Variants in AXDND1 observed in about 807,000 individuals in gnomAD.
The protein encoded by AXDND1 is axonemal dynein light chain domain-containing protein 1.
A neutral mutation model predicts 137.5 loss-of-function variants in AXDND1; 110 were observed. The ratio of observed to expected loss-of-function variants is 0.80; its 90% CI spans 0.69 to 0.94. The LOEUF is 0.94. Among genes scored for constraint, AXDND1 ranks in the 40% least tolerant of loss-of-function variants. AXDND1 has a pLI of 0.00. For synonymous variants in AXDND1, 414 were observed against 399.7 expected (o/e 1.04, Z -0.43); for missense variants, 1,191 against 1,169.8 (o/e 1.02, Z -0.26).
chr1:179,535,116 C>A, intron 25 of AXDND1, 154 bp downstream of exon 25: 1 of 1,157,218 alleles, frequency 8.6e-7, no homozygotes, highest in Non-Finnish European at 1.2e-6. Flanking sequence ...ATCACATAAC[C>A]ATCTTATTCG....
chr1:179,405,482 T>C (rs1652814709), intron 11 of AXDND1, among the ~76,000 whole-genome samples: 1 of 152,224 alleles, frequency 6.6e-6, no homozygotes, highest in African/African-American at 2.4e-5. Context: ...TCCAGATCCT[T>C]GAGGAAACGC....
At position 179,385,224 on chromosome 1, in the gene AXDND1, T is replaced by C; in HGVS notation, c.742-14T>C. ...CTGTAATAAGTACTGATTATGTTAC[T>C]TACCTTCTGACAGATGCACAAACTA... is the stretch of plus-strand genomic sequence containing the variant. On this transcript the variant is annotated splice_polypyrimidine_tract_variant and intron_variant, in intron 8 of 25. Coordinates refer to ENST00000367618, the MANE Select transcript of AXDND1 (RefSeq NM_144696.6). 1 of 1,603,568 alleles carries C rather than the reference T, an allele frequency of 6.2e-7. No individual in the cohort carries two copies. Among genetic ancestry groups the C allele is most frequent in the Non-Finnish European group, 8.5e-7 (1 of 1,170,736 alleles).
rs1361470584 is a variant in AXDND1 at position 179,409,883 on chromosome 1, T to A, written c.1110-1263T>A. ...TTAATTATCTCCAGTGTTTTTTTTTTAAATCATAGAACTACATTATATTTT... is the reference window on the plus strand; with the variant it reads ...TTAATTATCTCCAGTGTTTTTTTTTAAAATCATAGAACTACATTATATTTT... On this transcript the variant is annotated intron_variant, in intron 11 of 25. Transcript: ENST00000367618. Among the ~76,000 whole-genome samples the A allele has an allele frequency of 1.3e-5, 2 of 152,126 alleles. 1 individual carries two copies. The highest frequency in any genetic ancestry group is 1.3e-4 in the Admixed American group (2 of 15,272).
chr1:179,373,417 A>G (rs180908360), intron 4 of AXDND1, among the ~76,000 whole-genome samples: 1,726 of 152,302 alleles, frequency 0.011, 28 homozygotes, highest in African/African-American at 0.038. Flanking sequence ...TAATTTGTAG[A>G]TTCAATGCTA....
Position 179,366,526 on chromosome 1 carries a change from C to T in AXDND1, c.17C>T (p.Thr6Met). Residue 6 changes from threonine to methionine, a missense_variant, in exon 2 of 26, where the codon ACG becomes ATG. Thr to Met is a moderately conservative substitution (Grantham distance 81). Transcript: ENST00000367618. The stretch of plus-strand genomic sequence containing the variant: ...TTGTTTATTATGTCTCTCCCGAAAA[C>T]GCCCTCCACCCCGCTAAACTCTACA... MSLPK[T>M]PSTPLNSTST... 1.2e-6 allele frequency: 2 copies of T among 1,613,176 alleles called. No individual in the cohort carries two copies. The highest frequency in any genetic ancestry group is 1.1e-5 in the South Asian group (1 of 91,058).
intron 25 of AXDND1, among the ~76,000 whole-genome samples, chr1:179,535,737 C>T (rs1379255881): frequency 7.0e-6 from 1 of 143,120 alleles, no homozygotes; most frequent in East Asian, 1.9e-4. Flanking sequence ...GGGTATATAC[C>T]CAGTAATGGG....
chr1:179,448,945 G>A, intron 16 of AXDND1: 1 of 269,768 alleles, frequency 3.7e-6, no homozygotes, highest in Non-Finnish European at 7.4e-6. Context: ...GGAGTGCAGT[G>A]GCATGATCTT....
intron 10 of AXDND1, among the ~76,000 whole-genome samples, 173 bp downstream of exon 10, chr1:179,394,216 A>G (rs1650655022): frequency 1.3e-5 from 2 of 152,338 alleles, no homozygotes; most frequent in South Asian, 4.1e-4. Context: ...ATAGATATAG[A>G]TAAATGGGTT....
chr1:179,415,067 C>T lies in AXDND1; in HGVS notation c.1230+3801C>T, dbSNP rs1173866132. On this transcript the variant is annotated intron_variant, in intron 12 of 25. Coordinates refer to ENST00000367618, the MANE Select transcript of AXDND1 (RefSeq NM_144696.6). Reference sequence around the variant, plus strand: ...TTAAAAAATTTAGATTTCGGCTGGGCGTGATGGCCAATGCCTGTAATCCCA... The same window carrying T: ...TTAAAAAATTTAGATTTCGGCTGGGTGTGATGGCCAATGCCTGTAATCCCA... Among the ~76,000 whole-genome samples the T allele has an allele frequency of 2.6e-5, 4 of 152,274 alleles. No individual in the cohort carries two copies. In the East Asian group the frequency reaches 7.7e-4, roughly 29 times the overall value.
At chr1:179,482,987 T>A in intron 17 of AXDND1, 141 bp from the exon 18 acceptor site, 1 of 506,334 alleles carries the variant, frequency 2.0e-6, no homozygotes, top group Non-Finnish European at 3.4e-6. Context: ...GGGCTTTGAT[T>A]CCCCTTTCCT....
chr1:179,395,808 A>G (rs1045764329), intron 11 of AXDND1, among the ~76,000 whole-genome samples: 3 of 152,210 alleles, frequency 2.0e-5, no homozygotes, highest in Admixed American at 6.6e-5. Flanking sequence ...ATGAATTACC[A>G]AATGTCAGCC....
Position 179,479,496 on chromosome 1 carries a change from GGCT to G in AXDND1, c.1998-3630_1998-3628del, listed in dbSNP as rs201780767. Reference sequence around the variant, plus strand: ...GTCTCAAAAAAAAAAAAAGGAAAAAGGCTGGGTGTGGTGGCTCATGCCTGTAAT... The same window carrying G: ...GTCTCAAAAAAAAAAAAAGGAAAAAGGGGTGTGGTGGCTCATGCCTGTAAT... On this transcript the variant is annotated intron_variant, in intron 17 of 25. Coordinates refer to ENST00000367618, the MANE Select transcript of AXDND1 (RefSeq NM_144696.6). Among the ~76,000 whole-genome samples, 1,041 of 142,010 alleles carry G rather than the reference GGCT, an allele frequency of 7.3e-3. 14 individuals are homozygous for G. The highest frequency in any genetic ancestry group is 0.026 in the African/African-American group (979 of 37,868). 93.2% of individuals were successfully genotyped at this position (142,010 alleles called of 152,430 possible).
chr1:179,408,215 TG>T (rs928900456), intron 11 of AXDND1, among the ~76,000 whole-genome samples: 2 of 152,158 alleles, frequency 1.3e-5, no homozygotes, highest in Non-Finnish European at 2.9e-5. Flanking sequence ...TGTATCTCAC[TG>T]GGTTTCTTTA....
At chr1:179,375,449 A>G (rs1668494119) in intron 4 of AXDND1, among the ~76,000 whole-genome samples, 2 of 151,304 alleles carry the variant, frequency 1.3e-5, no homozygotes, top group South Asian at 2.1e-4. Flanking sequence ...TGCATAAAAT[A>G]TTGTGTGTAT....
intron 16 of AXDND1, chr1:179,456,654 C>T: frequency 1.2e-6 from 1 of 851,400 alleles, no homozygotes; most frequent in Non-Finnish European, 2.0e-6. Context: ...ACAGCTGCCA[C>T]CAAAGCCATC....
intron 16 of AXDND1, among the ~76,000 whole-genome samples, chr1:179,460,877 C>T (rs998947001): frequency 1.7e-4 from 26 of 152,282 alleles, no homozygotes; most frequent in African/African-American, 3.1e-4. Flanking sequence ...TCATATCCTT[C>T]GCCCACTTGT....
At position 179,366,434 on chromosome 1, in the gene AXDND1, G is replaced by C; in HGVS notation, c.-76G>C. 1 of 1,171,600 alleles carries C rather than the reference G, an allele frequency of 8.5e-7. No homozygotes were observed. The highest frequency in any genetic ancestry group is 1.2e-5 in the South Asian group (1 of 80,894). The allele number at this position is 1,171,600 out of a possible 1,614,324, so 72.6% of individuals were successfully genotyped here. A position where few individuals can be genotyped will look rare whatever the true frequency, so the allele number is the denominator to read the frequency against. On this transcript the variant is annotated 5_prime_UTR_variant, in exon 2 of 26. Transcript: ENST00000367618. ...TGTGGCAGCCTGCAAGTCCCAGTGC[G>C]GCGCTGATTTGTGTCTAAATTAGCT...
At chr1:179,525,221 C>A (rs562471458) in intron 21 of AXDND1, 113 bp from the exon 22 acceptor site, 1 of 1,071,116 alleles carries the variant, frequency 9.3e-7, no homozygotes, top group Admixed American at 3.1e-5. Flanking sequence ...CCTTTGTATC[C>A]TTGTCACTAG....
intron 6 of AXDND1, among the ~76,000 whole-genome samples, chr1:179,380,581 T>C (rs1231768144): frequency 6.6e-6 from 1 of 152,208 alleles, no homozygotes; most frequent in Non-Finnish European, 1.5e-5. Context: ...CTTGCTTTTA[T>C]TTTCTGAAAC....
Sources: allele counts gnomAD v4.1 joint callset (sites outside exome capture counted in the v4.1 genomes callset), GRCh38; gene constraint gnomAD v4.1.1; transcripts MANE v1.5; gene names NCBI Gene and HGNC (gene_info 2026-07-23, HGNC 2026-07-21).